ETFA: variants seen among roughly 807,000 people sequenced by gnomAD.
The protein encoded by ETFA is electron transfer flavoprotein subunit alpha, mitochondrial.
Under a neutral mutation model 46.2 loss-of-function variants are expected in ETFA, and 22 were observed. That is an observed-to-expected ratio of 0.48 (90% CI 0.34 to 0.68). The LOEUF is 0.68. ETFA is among the 30% of genes least tolerant of loss of function. The probability of loss-of-function intolerance (pLI) is 0.01; values close to 1 mark genes in which losing one functional copy is unlikely to be tolerated. For synonymous variants in ETFA, 131 were observed against 139.9 expected, an observed-to-expected ratio of 0.94 and a Z score of 0.45; for missense variants, 345 against 401.1, an observed-to-expected ratio of 0.86 and a Z score of 1.19.
intron 11 of ETFA, among the ~76,000 whole-genome samples, chr15:76,225,491 G>T (rs963181002): frequency 6.6e-6 from 1 of 151,964 alleles, no homozygotes; most frequent in East Asian, 1.9e-4. Flanking sequence ...GGGTTTCACT[G>T]TGTTAGCCAG....
At chr15:76,309,640 C>T (rs2141561762) in intron 1 of ETFA, among the ~76,000 whole-genome samples, 1 of 152,274 alleles carries the variant, frequency 6.6e-6, no homozygotes, top group Admixed American at 6.5e-5. Flanking sequence ...GTTAGCTCTA[C>T]AAAATTACTG....
At chr15:76,224,881 G>A (rs1012385427) in intron 11 of ETFA, among the ~76,000 whole-genome samples, 1 of 152,172 alleles carries the variant, frequency 6.6e-6, no homozygotes, top group African/African-American at 2.4e-5. Context: ...AGCCAAATGA[G>A]TATCAGGTGC....
intron 1 of ETFA, among the ~76,000 whole-genome samples, chr15:76,302,076 A>G (rs113169663): frequency 4.7e-4 from 71 of 152,350 alleles, no homozygotes; most frequent in African/African-American, 1.6e-3. Context: ...ACTCTCATTC[A>G]TTGCTGGTAA....
chr15:76,286,494 A>T lies in ETFA; in HGVS notation c.452-13T>A. On this transcript the variant is annotated splice_polypyrimidine_tract_variant and intron_variant, in intron 5 of 11. Transcript: ENST00000557943. ...CATAGAGCATTTCCTGAAACATACA[A>T]TCTATTTCTTAAAAGCAACAGCAAA... 1 of 1,564,728 alleles carries T rather than the reference A, an allele frequency of 6.4e-7. No homozygotes were observed. The highest frequency in any genetic ancestry group is 8.8e-7 in the Non-Finnish European group (1 of 1,135,720).
At chr15:76,250,083 TTAAA>T (rs1376948236) in intron 9 of ETFA, among the ~76,000 whole-genome samples, 4 of 152,170 alleles carry the variant, frequency 2.6e-5, no homozygotes, top group African/African-American at 4.8e-5. Context: ...TTATAACTAC[TTAAA>T]TAAACAACCA....
In ETFA at chr15:76,239,786, T is replaced by TA. The variant is rs200710641; in HGVS notation, c.817-8389dup. Among the ~76,000 whole-genome samples the TA allele has an allele frequency of 2.6e-3, 350 of 133,254 alleles. 1 individual carries two copies. The highest frequency in any genetic ancestry group is 3.8e-3 in the Middle Eastern group (1 of 262). 87.4% of individuals were successfully genotyped at this position (133,254 alleles called of 152,430 possible). A position where few individuals can be genotyped will look rare whatever the true frequency, so the allele number is the denominator to read the frequency against. Reference sequence around the variant, plus strand: ...AGAGCCAACTGAAGTTTGTACATATTAAAAAAAAAAAAAAAAAGTATTGTC... The same window carrying TA: ...AGAGCCAACTGAAGTTTGTACATATTAAAAAAAAAAAAAAAAAAGTATTGTC... On this transcript the variant is annotated intron_variant, in intron 9 of 11. Transcript: ENST00000557943.
intron 8 of ETFA, among the ~76,000 whole-genome samples, chr15:76,276,905 A>G (rs2039598519): frequency 6.6e-6 from 1 of 152,132 alleles, no homozygotes; most frequent in South Asian, 2.1e-4. Flanking sequence ...TTAAATTTCC[A>G]GTCTGATTAT....
chr15:76,305,896 T>C (rs1396787425), intron 1 of ETFA, among the ~76,000 whole-genome samples: 1 of 151,758 alleles, frequency 6.6e-6, no homozygotes, highest in Non-Finnish European at 1.5e-5. Flanking sequence ...TGGGTATTTG[T>C]TTGAGACTGG....
chr15:76,286,078 C>T (rs1351827499), intron 6 of ETFA, among the ~76,000 whole-genome samples: 4 of 152,196 alleles, frequency 2.6e-5, no homozygotes, highest in African/African-American at 9.6e-5. Flanking sequence ...TATACTGAAT[C>T]ACCCAAATAT....
At chr15:76,305,549 T>G (rs932293469) in intron 1 of ETFA, among the ~76,000 whole-genome samples, 1 of 152,236 alleles carries the variant, frequency 6.6e-6, no homozygotes, top group African/African-American at 2.4e-5. Flanking sequence ...TAGCAAAATA[T>G]GAAGTTTTCT....
chr15:76,221,015 AC>A lies in ETFA; in HGVS notation c.964-4419del, dbSNP rs528651632. Among the ~76,000 whole-genome samples the A allele has an allele frequency of 2.0e-3, 307 of 152,234 alleles. 2 individuals are homozygous for A. Among genetic ancestry groups the A allele is most frequent in the Non-Finnish European group, 3.5e-3 (238 of 68,022 alleles). On this transcript the variant is annotated intron_variant, in intron 11 of 11. Coordinates refer to ENST00000557943, the MANE Select transcript of ETFA (RefSeq NM_000126.4). ...AAATGAAAACATAGGTCTGCACAAA[AC>A]CTCATATGTGAATGTTCATAGCAGC...
chr15:76,217,669 C>T (rs1329629346), intron 11 of ETFA: 2 of 453,088 alleles, frequency 4.4e-6, no homozygotes, highest in Non-Finnish European at 8.9e-6. Context: ...GGAGAGCTGT[C>T]CAAGGGGGCT....
intron 2 of ETFA, among the ~76,000 whole-genome samples, chr15:76,293,786 A>T (rs2039791834): frequency 6.6e-6 from 1 of 152,258 alleles, no homozygotes; most frequent in Admixed American, 6.5e-5. Context: ...CAGTGCAAGA[A>T]TACATTCTCT....
Position 76,260,200 on chromosome 15 carries a change from C to T in ETFA, c.816+14212G>A, listed in dbSNP as rs148039111. ...ACATCCTCCAGTTTTTCCTTTAGTT[C>T]GCTGTTGATGCCCAAGCTTTCCAAT... On this transcript the variant is annotated intron_variant, in intron 9 of 11. Transcript: ENST00000557943. The T allele has an allele frequency of 2.8e-4, 383 of 1,390,572 alleles. 2 individuals are homozygous for T. In the East Asian group the frequency reaches 7.2e-3, roughly 26 times the overall value. 86.1% of individuals were successfully genotyped at this position (1,390,572 alleles called of 1,614,324 possible). A position where few individuals can be genotyped will look rare whatever the true frequency, so the allele number is the denominator to read the frequency against.
At chr15:76,263,342 G>A (rs1225634927) in intron 9 of ETFA, among the ~76,000 whole-genome samples, 1 of 152,200 alleles carries the variant, frequency 6.6e-6, no homozygotes, top group Non-Finnish European at 1.5e-5. Flanking sequence ...CACCCAACAT[G>A]GGGCGACAAA....
At chr15:76,216,813 C>T (rs1040018995) in intron 11 of ETFA, among the ~76,000 whole-genome samples, 14 of 151,724 alleles carry the variant, frequency 9.2e-5, no homozygotes, top group African/African-American at 3.1e-4. Flanking sequence ...GGGCTTACAG[C>T]CCACTCATTG....
At position 76,283,029 on chromosome 15, in the gene ETFA, C is replaced by T. The variant is rs192748173; in HGVS notation, c.733+728G>A. On this transcript the variant is annotated intron_variant, in intron 8 of 11. Transcript: ENST00000557943. ...ACTTTTAGCAATAGGTTCTACCTTA[C>T]CTATAAATGGTTAACTACAATTCTA... Among the ~76,000 whole-genome samples the T allele has an allele frequency of 2.3e-3, 345 of 152,094 alleles. 1 individual carries two copies. The highest frequency in any genetic ancestry group is 7.8e-3 in the African/African-American group (325 of 41,486).
chr15:76,227,944 G>C (rs1339465797), intron 10 of ETFA: 1 of 455,962 alleles, frequency 2.2e-6, no homozygotes, highest in Non-Finnish European at 4.4e-6. Flanking sequence ...TGCATAGTCA[G>C]AGACAATAAA....
intron 2 of ETFA, among the ~76,000 whole-genome samples, chr15:76,294,042 C>G (rs2039794458): frequency 6.6e-6 from 1 of 152,196 alleles, no homozygotes; most frequent in South Asian, 2.1e-4. Flanking sequence ...TGACAAGTAG[C>G]TGAATAAAAT....
Sources: gnomAD v4.1 joint callset for allele counts (sites outside exome capture counted in the v4.1 genomes callset) on GRCh38, gnomAD v4.1.1 for gene constraint, MANE v1.5 for transcripts, NCBI Gene and HGNC (gene_info 2026-07-23, HGNC 2026-07-21) for gene names.